The following CLYBL variants were observed in gnomAD, a reference collection of about 807,000 sequenced individuals.
The protein encoded by CLYBL is citramalyl-CoA lyase, mitochondrial.
CLYBL carries 31 observed loss-of-function variants against 38.9 expected under a neutral mutation model. The observed-to-expected ratio is 0.80, with a 90% CI of 0.60 to 1.08. The LOEUF (loss-of-function observed/expected upper bound fraction) is 1.08. Among genes scored for constraint, CLYBL ranks in the 50% least tolerant of loss-of-function variants. The probability of loss-of-function intolerance (pLI) is 0.00; values close to 1 mark genes in which losing one functional copy is unlikely to be tolerated. For missense variants in CLYBL, 434 were observed against 411.6 expected (o/e 1.05, Z -0.47); for synonymous variants, 171 against 158.6 (o/e 1.08, Z -0.59).
intron 1 of CLYBL, among the ~76,000 whole-genome samples, chr13:99,714,028 C>T (rs933370287): frequency 1.3e-5 from 2 of 151,668 alleles, no homozygotes; most frequent in African/African-American, 4.8e-5. Flanking sequence ...TGCTCTGTCA[C>T]CCAGGCTGGA....
At chr13:99,854,916 C>G (rs2051422277) in intron 2 of CLYBL, among the ~76,000 whole-genome samples, 1 of 152,126 alleles carries the variant, frequency 6.6e-6, no homozygotes, top group South Asian at 2.1e-4. Context: ...AGCCACTGGT[C>G]CACTGCACTG....
intron 1 of CLYBL, among the ~76,000 whole-genome samples, chr13:99,661,381 CAG>C (rs1414846152): frequency 1.3e-5 from 2 of 152,106 alleles, no homozygotes; most frequent in Admixed American, 6.5e-5. Context: ...TTTTTTGTAA[CAG>C]ATTGTTTTCC....
chr13:99,701,330 A>G (rs2048061723), intron 1 of CLYBL, among the ~76,000 whole-genome samples: 1 of 152,076 alleles, frequency 6.6e-6, no homozygotes, highest in South Asian at 2.1e-4. Flanking sequence ...TTTTGTTTTG[A>G]GACAGAGTCT....
intron 1 of CLYBL, among the ~76,000 whole-genome samples, chr13:99,607,208 G>GT (rs2046540943): frequency 1.8e-5 from 1 of 55,108 alleles, no homozygotes; most frequent in Non-Finnish European, 4.5e-5. Flanking sequence ...ATTGATTTTT[G>GT]TGCATGAGGA....
chr13:99,622,884 T>G (rs1459389460), intron 1 of CLYBL, among the ~76,000 whole-genome samples: 1 of 152,102 alleles, frequency 6.6e-6, no homozygotes, highest in Non-Finnish European at 1.5e-5. Context: ...CAGGCTGGAG[T>G]GTAGTGGCAT....
At chr13:99,819,677 T>A (rs2050548311) in intron 2 of CLYBL, among the ~76,000 whole-genome samples, 1 of 151,374 alleles carries the variant, frequency 6.6e-6, no homozygotes, top group African/African-American at 2.4e-5. Flanking sequence ...TATGTAAGTC[T>A]CCAGATCTGA....
chr13:99,636,303 T>C lies in CLYBL; in HGVS notation c.62+29546T>C, dbSNP rs966840632. ...GCAGATCATTAAATGTATGCATAAA[T>C]AGAATTATTAATGTTTACCAAGGTC... On this transcript the variant is annotated intron_variant, in intron 1 of 8. Coordinates refer to ENST00000339105, the MANE Select transcript of CLYBL (RefSeq NM_206808.5). Among the ~76,000 whole-genome samples the C allele has an allele frequency of 3.3e-5, 5 of 152,334 alleles. No individual in the cohort carries two copies. In the East Asian group the frequency reaches 5.8e-4, roughly 18 times the overall value.
At chr13:99,793,033 A>AAAACACACACACACACACACACACAC (rs368975807) in intron 2 of CLYBL, among the ~76,000 whole-genome samples, 11 of 145,954 alleles carry the variant, frequency 7.5e-5, no homozygotes, top group East Asian at 6.3e-4. Context: ...GTGCATACAT[A>AAAACACACACACACACACACACACAC]ACACACACAC....
chr13:99,610,091 CAG>C (rs1242567270), intron 1 of CLYBL, among the ~76,000 whole-genome samples: 2 of 152,164 alleles, frequency 1.3e-5, no homozygotes, highest in East Asian at 3.8e-4. Flanking sequence ...TTTGAAGAGA[CAG>C]AGTCTTGCAG....
intron 1 of CLYBL, among the ~76,000 whole-genome samples, chr13:99,676,162 T>C (rs2047641195): frequency 6.9e-6 from 1 of 144,826 alleles, no homozygotes; most frequent in Admixed American, 6.9e-5. Context: ...GGCCACAGAC[T>C]GGCTTCCTTC....
chr13:99,810,613 G>A lies in CLYBL; in HGVS notation c.249+37603G>A, dbSNP rs553706244. ...TGATCCTGGACTTGGACTGCAGTGA[G>A]GATTTTAGATGTATTCTAAGGGTAA... is the stretch of plus-strand genomic sequence containing the variant. On this transcript the variant is annotated intron_variant, in intron 2 of 8. Transcript: ENST00000339105. Among the ~76,000 whole-genome samples the A allele has an allele frequency of 1.1e-4, 16 of 152,256 alleles. No homozygotes were observed. The East Asian group carries it at 2.7e-3, about 26-fold the overall frequency.
intron 3 of CLYBL, among the ~76,000 whole-genome samples, chr13:99,862,332 GC>G (rs1349116571): frequency 6.6e-6 from 1 of 152,156 alleles, no homozygotes; most frequent in Non-Finnish European, 1.5e-5. Context: ...CTGGGCAAGA[GC>G]TTTTGTATGT....
At chr13:99,766,027 T>A (rs1223223488) in intron 1 of CLYBL, among the ~76,000 whole-genome samples, 2 of 151,902 alleles carry the variant, frequency 1.3e-5, no homozygotes, top group African/African-American at 4.8e-5. Flanking sequence ...AGTGTTTTTA[T>A]TTTTTGTAGA....
At chr13:99,904,926 C>A (rs1336702635) in intron 8 of CLYBL, among the ~76,000 whole-genome samples, 1 of 152,216 alleles carries the variant, frequency 6.6e-6, no homozygotes, top group Admixed American at 6.5e-5. Flanking sequence ...GCTCAGCGGG[C>A]TTTGAGCCAT....
intron 1 of CLYBL, among the ~76,000 whole-genome samples, chr13:99,702,358 C>T (rs1265540337): frequency 2.6e-5 from 4 of 151,838 alleles, no homozygotes; most frequent in East Asian, 1.9e-4. Context: ...CAGCCGGGCG[C>T]GGTGGCTCAT....
chr13:99,867,635 A>G (rs2051782475), intron 6 of CLYBL, among the ~76,000 whole-genome samples: 1 of 152,098 alleles, frequency 6.6e-6, no homozygotes, highest in Non-Finnish European at 1.5e-5. Flanking sequence ...CATCCATGCA[A>G]TTGTGCTTGT....
intron 2 of CLYBL, among the ~76,000 whole-genome samples, chr13:99,829,342 C>T (rs2050759640): frequency 6.6e-6 from 1 of 152,158 alleles, no homozygotes; most frequent in African/African-American, 2.4e-5. Context: ...AGAATGAATG[C>T]AGTGAAGGAA....
At chr13:99,877,066 G>C (rs1247113622) in intron 7 of CLYBL, among the ~76,000 whole-genome samples, 1 of 152,164 alleles carries the variant, frequency 6.6e-6, no homozygotes, top group Non-Finnish European at 1.5e-5. Context: ...CACATCATTA[G>C]TTATCAGTCG....
chr13:99,728,287 T>C (rs1295403950), intron 1 of CLYBL, among the ~76,000 whole-genome samples: 2 of 150,236 alleles, frequency 1.3e-5, no homozygotes. Flanking sequence ...TTTCTTTTTT[T>C]TTTTTTTTTG....
Sources: gnomAD v4.1 joint callset for allele counts (sites outside exome capture counted in the v4.1 genomes callset) on GRCh38, gnomAD v4.1.1 for gene constraint, MANE v1.5 for transcripts, NCBI Gene and HGNC (gene_info 2026-07-23, HGNC 2026-07-21) for gene names.